Variants in OR8U3 observed in about 807,000 individuals in gnomAD.
The protein encoded by OR8U3 is olfactory receptor 8U3.
For missense variants in OR8U3, 429 were observed against 388.6 expected, an observed-to-expected ratio of 1.10 and a Z score of -0.88; for synonymous variants, 170 against 147.0, an observed-to-expected ratio of 1.16 and a Z score of -1.13.
In OR8U3 at chr11:56,417,431, A is replaced by G. The variant is rs1319716514; in HGVS notation, c.802T>C (p.Leu268=). The change falls in exon 1 of 1, where the codon TTG becomes CTG. Residue 268 remains leucine (L), a synonymous_variant. Transcript: ENST00000623286. The stretch of plus-strand genomic sequence containing the variant: ...ACAGAAGCCATCTTGTCTGTGTCCA[A>G]GGAGTGATTTGATTTGGGCTGTAGG... The part of the protein sequence containing the change: ...MYLQPKSNHS[L]DTDKMASVFY... 2.5e-6 allele frequency: 4 copies of G among 1,613,428 alleles called. No individual in the cohort carries two copies. Among genetic ancestry groups the G allele is most frequent in the Non-Finnish European group, 3.4e-6 (4 of 1,179,506 alleles).
chr11:56,417,930 C>T lies in OR8U3; in HGVS notation c.303G>A (p.Leu101=), dbSNP rs911676376. 5 of 1,613,822 alleles carry T rather than the reference C, an allele frequency of 3.1e-6. No homozygotes were observed. Among genetic ancestry groups the T allele is most frequent in the Admixed American group, 1.7e-5 (1 of 59,946 alleles). ...TGATCATGAAGGTGAGAAAACAACCCAGTTGGGTTGCACAAGCATGGAAAG... is the reference window on the plus strand; with the variant it reads ...TGATCATGAAGGTGAGAAAACAACCTAGTTGGGTTGCACAAGCATGGAAAG... ...TIPFHACATQ[L]GCFLTFMITE... is the part of the protein sequence containing the mutation. Residue 101 remains leucine (L), a synonymous_variant, in exon 1 of 1, where the codon CTG becomes CTA. Coordinates refer to ENST00000623286, the MANE Select transcript of OR8U3 (RefSeq NM_001004744.1).
rs1261259017 is a variant in OR8U3, at chr11:56,417,730, T to TAAGTC, written c.498_502dup (p.Tyr168Ter). The TAAGTC allele has an allele frequency of 6.2e-7, 1 of 1,613,894 alleles. No homozygotes were observed. The highest frequency in any genetic ancestry group is 2.2e-5 in the East Asian group (1 of 44,886). On this transcript the variant is annotated stop_gained and frameshift_variant, in exon 1 of 1. Coordinates refer to ENST00000623286, the MANE Select transcript of OR8U3 (RefSeq NM_001004744.1). LOFTEE classifies it low-confidence loss of function (END_TRUNC). Reference sequence around the variant, plus strand: ...ATGGTTAATTAAGTTTGGGCCACAGTAAGTCAGACGGAAAGTGATAACGGT... The same window carrying TAAGTC: ...ATGGTTAATTAAGTTTGGGCCACAGTAAGTCAAGTCAGACGGAAAGTGATAACGGT...
In OR8U3 at chr11:56,417,371, G is replaced by C. The variant is rs776135036; in HGVS notation, c.862C>G (p.Leu288Val). 3.7e-6 allele frequency: 6 copies of C among 1,612,522 alleles called. No individual in the cohort carries two copies. The South Asian group carries it at 6.6e-5, about 18-fold the overall frequency. Residue 288 changes from leucine to valine, a missense_variant, in exon 1 of 1, where the codon CTA (leucine) becomes GTA (valine). By Grantham distance (32) the Leu-to-Val change is conservative. Coordinates refer to ENST00000623286, the MANE Select transcript of OR8U3 (RefSeq NM_001004744.1). ...YTVVIPMLNPLIYSLRNKEVK... is the reference protein window; with the variant it reads ...YTVVIPMLNPVIYSLRNKEVK... Reference sequence around the variant, plus strand: ...TCTTTGTTCCTTAGACTATAGATTAGGGGGTTTAACATGGGGATCACCACT... The same window carrying C: ...TCTTTGTTCCTTAGACTATAGATTACGGGGTTTAACATGGGGATCACCACT...
In OR8U3 at chr11:56,417,461, T is replaced by C. The variant is rs1283225394; in HGVS notation, c.772A>G (p.Met258Val). Residue 258 changes from methionine (M) to valine (V), a missense_variant, in exon 1 of 1, where the codon ATG becomes GTG. Coordinates refer to ENST00000623286, the MANE Select transcript of OR8U3 (RefSeq NM_001004744.1). The stretch of plus-strand genomic sequence containing the variant: ...TGATTTGATTTGGGCTGTAGGTACA[T>C]AAAGATCAGTGTGCCATAGAAAATA... Reference protein sequence around the residue: ...VTIFYGTLIFMYLQPKSNHSL... With the variant: ...VTIFYGTLIFVYLQPKSNHSL... The C allele has an allele frequency of 6.2e-7, 1 of 1,613,702 alleles. No homozygotes were observed.
chr11:56,417,555 T>C lies in OR8U3; in HGVS notation c.678A>G (p.Leu226=), dbSNP rs761045008. 6 of 1,613,826 alleles carry C rather than the reference T, an allele frequency of 3.7e-6. No homozygotes were observed. In the East Asian group the frequency reaches 1.3e-4, roughly 36 times the overall value. The change falls in exon 1 of 1, where the codon CTA becomes CTG. Residue 226 remains leucine, a synonymous_variant. Transcript: ENST00000623286. ...GTTGCCCCTGAGTAGAGCGGATCCT[T>C]AGGATAGCGGCAATAATAAAGATGT... is the stretch of plus-strand genomic sequence containing the variant. The part of the protein sequence containing the change: ...TSYIFIIAAI[L]RIRSTQGQHK...
At position 56,418,054 on chromosome 11, in the gene OR8U3, TA is replaced by T. The variant is rs1318662083; in HGVS notation, c.178del (p.Tyr60ThrfsTer22). 6.2e-7 allele frequency: 1 copy of T among 1,613,796 alleles called. No individual in the cohort carries two copies. Among genetic ancestry groups the T allele is most frequent in the Non-Finnish European group, 8.5e-7 (1 of 1,179,834 alleles). ...AAAGGCCAGGTGGCTGAGGAAATAG[TA>T]CATAGGTGTGTGGAGTCGAGTATCA... The part of the protein sequence containing the change: ...KIDTRLHTPM[Y>X]YFLSHLAFVD... On this transcript the variant is annotated frameshift_variant, in exon 1 of 1. Coordinates refer to ENST00000623286, the MANE Select transcript of OR8U3 (RefSeq NM_001004744.1). LOFTEE classifies it low-confidence loss of function (END_TRUNC).
Position 56,418,059 on chromosome 11 carries a change from A to T in OR8U3, c.174T>A (p.Pro58=). ...CCAGGTGGCTGAGGAAATAGTACAT[A>T]GGTGTGTGGAGTCGAGTATCAATCT... ...LIKIDTRLHT[P]MYYFLSHLAF... The change falls in exon 1 of 1, where the codon CCT becomes CCA. Residue 58 remains proline (P), a synonymous_variant. Transcript: ENST00000623286. 1.2e-6 allele frequency: 2 copies of T among 1,613,812 alleles called. No individual in the cohort carries two copies. Among genetic ancestry groups the T allele is most frequent in the Non-Finnish European group, 1.7e-6 (2 of 1,179,832 alleles).
At position 56,418,145 on chromosome 11, in the gene OR8U3, C is replaced by A; in HGVS notation, c.88G>T (p.Val30Leu). ...GTGACCAGATAGATAACTAAAAACA[C>A]CCCAAAGCACGGGGCCTGAAGCTCT... ...RPELQAPCFG[V>L]FLVIYLVTVL... The change falls in exon 1 of 1, where the codon GTG becomes TTG. Residue 30 changes from valine (V) to leucine (L), a missense_variant. Physicochemically the swap from Val to Leu is conservative, Grantham distance 32. Transcript: ENST00000623286. The A allele has an allele frequency of 6.2e-7, 1 of 1,613,860 alleles. No homozygotes were observed. Among genetic ancestry groups the A allele is most frequent in the Non-Finnish European group, 8.5e-7 (1 of 1,179,852 alleles).
At position 56,417,537 on chromosome 11, in the gene OR8U3, C is replaced by T. The variant is rs769262388; in HGVS notation, c.696G>A (p.Gln232=). 6.2e-7 allele frequency: 1 copy of T among 1,613,936 alleles called. No individual in the cohort carries two copies. Reference sequence around the variant, plus strand: ...AGGTGGAAATGGCTTTGTGTTGCCCCTGAGTAGAGCGGATCCTTAGGATAG... The same window carrying T: ...AGGTGGAAATGGCTTTGTGTTGCCCTTGAGTAGAGCGGATCCTTAGGATAG... ...IAAILRIRST[Q]GQHKAISTCG... The change falls in exon 1 of 1, where the codon CAG becomes CAA. Residue 232 remains glutamine (Q), a synonymous_variant. Coordinates refer to ENST00000623286, the MANE Select transcript of OR8U3 (RefSeq NM_001004744.1).
rs766968174 is a variant in OR8U3 at position 56,417,282 on chromosome 11, A to C, written c.951T>G (p.Phe317Leu). The change falls in exon 1 of 1, where the codon TTT (phenylalanine) becomes TTG (leucine). Residue 317 changes from phenylalanine to leucine, a missense_variant. Physicochemically the swap from Phe to Leu is conservative, Grantham distance 22. Coordinates refer to ENST00000623286, the MANE Select transcript of OR8U3 (RefSeq NM_001004744.1). ...KGCENLQILT[F>L]LKIRKLY ...TTTAATAAAGTTTTCTTATTTTTAA[A>C]AATGTTAATATCTGTAAGTTTTCAC... The C allele has an allele frequency of 7.1e-7, 1 of 1,404,486 alleles. No homozygotes were observed. Among genetic ancestry groups the C allele is most frequent in the Admixed American group, 2.2e-5 (1 of 44,478 alleles). 87.0% of individuals were successfully genotyped at this position (1,404,486 alleles called of 1,614,324 possible).
chr11:56,417,679 A>C lies in OR8U3; in HGVS notation c.554T>G (p.Leu185Ter), dbSNP rs1395171666. 1 of 1,613,750 alleles carries C rather than the reference A, an allele frequency of 6.2e-7. No homozygotes were observed. Among genetic ancestry groups the C allele is most frequent in the Non-Finnish European group, 8.5e-7 (1 of 1,179,824 alleles). ...NHFYCDDLPF[L>*]ALSCSDTHMK... The stretch of plus-strand genomic sequence containing the variant: ...GTGTGTGTCTGAGCAGGACAGAGCT[A>C]AGAAGGGGAGGTCATCACAATAGAA... Residue 185 changes from leucine to a stop codon, truncating the protein, a stop_gained, in exon 1 of 1, where the codon TTA (leucine) becomes TGA (stop). Transcript: ENST00000623286. LOFTEE classifies it low-confidence loss of function (END_TRUNC).
chr11:56,417,304 T>C lies in OR8U3; in HGVS notation c.929A>G (p.Glu310Gly). 3 of 1,532,120 alleles carry C rather than the reference T, an allele frequency of 2.0e-6. No homozygotes were observed. Among genetic ancestry groups the C allele is most frequent in the Non-Finnish European group, 1.8e-6 (2 of 1,123,920 alleles). 94.9% of individuals were successfully genotyped at this position (1,532,120 alleles called of 1,614,324 possible). A position where few individuals can be genotyped will look rare whatever the true frequency, so the allele number is the denominator to read the frequency against. The change falls in exon 1 of 1, where the codon GAA becomes GGA. Residue 310 changes from glutamate to glycine, a missense_variant. Coordinates refer to ENST00000623286, the MANE Select transcript of OR8U3 (RefSeq NM_001004744.1). ...TAAAAATGTTAATATCTGTAAGTTT[T>C]CACAACCTTTATCCAAGGCTTTCTT... The part of the protein sequence containing the change: ...ASKKALDKGC[E>G]NLQILTFLKI...
chr11:56,417,400 T>C lies in OR8U3; in HGVS notation c.833A>G (p.Tyr278Cys). ...GTTTAACATGGGGATCACCACTGTG[T>C]AAAATACAGAAGCCATCTTGTCTGT... Reference protein sequence around the residue: ...LDTDKMASVFYTVVIPMLNPL... With the variant: ...LDTDKMASVFCTVVIPMLNPL... Residue 278 changes from tyrosine (Y) to cysteine (C), a missense_variant, in exon 1 of 1, where the codon TAC (tyrosine) becomes TGC (cysteine). Physicochemically the swap from Tyr to Cys is radical, Grantham distance 194. Transcript: ENST00000623286. 2 of 1,613,508 alleles carry C rather than the reference T, an allele frequency of 1.2e-6. No individual in the cohort carries two copies. Among genetic ancestry groups the C allele is most frequent in the Non-Finnish European group, 8.5e-7 (1 of 1,179,478 alleles).
Position 56,417,847 on chromosome 11 carries a change from G to C in OR8U3, c.386C>G (p.Pro129Arg). The change falls in exon 1 of 1, where the codon CCC becomes CGC. Residue 129 changes from proline to arginine, a missense_variant. Physicochemically the swap from Pro to Arg is moderately radical, Grantham distance 103. Coordinates refer to ENST00000623286, the MANE Select transcript of OR8U3 (RefSeq NM_001004744.1). The part of the protein sequence containing the change: ...AYDCYVAICS[P>R]LHYSTLMSRR... ...TGACATCAGTGTTGAATAATGCAGGGGACTACAGATGGCGACATAGCAATC... is the reference window on the plus strand; with the variant it reads ...TGACATCAGTGTTGAATAATGCAGGCGACTACAGATGGCGACATAGCAATC... 6.2e-7 allele frequency: 1 copy of C among 1,613,748 alleles called. No homozygotes were observed. The highest frequency in any genetic ancestry group is 1.1e-5 in the South Asian group (1 of 91,068).
At position 56,417,363 on chromosome 11, in the gene OR8U3, A is replaced by G. The variant is rs763908950; in HGVS notation, c.870T>C (p.Tyr290=). Residue 290 remains tyrosine, a synonymous_variant, in exon 1 of 1, where the codon TAT becomes TAC. Transcript: ENST00000623286. Reference sequence around the variant, plus strand: ...CTTTCACTTCTTTGTTCCTTAGACTATAGATTAGGGGGTTTAACATGGGGA... The same window carrying G: ...CTTTCACTTCTTTGTTCCTTAGACTGTAGATTAGGGGGTTTAACATGGGGA... ...VVIPMLNPLI[Y]SLRNKEVKDA... is the part of the protein sequence containing the mutation. The G allele has an allele frequency of 6.2e-7, 1 of 1,611,838 alleles. No homozygotes were observed. Among genetic ancestry groups the G allele is most frequent in the Non-Finnish European group, 8.5e-7 (1 of 1,178,016 alleles).
rs201002192 is a variant in OR8U3 at position 56,417,966 on chromosome 11, G to T, written c.267C>A (p.Arg89=). 1 of 1,613,854 alleles carries T rather than the reference G, an allele frequency of 6.2e-7. No homozygotes were observed. Among genetic ancestry groups the T allele is most frequent in the Admixed American group, 1.7e-5 (1 of 59,898 alleles). The part of the protein sequence containing the change: ...PKMMVNFVVE[R]NTIPFHACAT... Reference sequence around the variant, plus strand: ...CACAAGCATGGAAAGGAATGGTGTTGCGTTCCACAACAAAATTCACCATCA... The same window carrying T: ...CACAAGCATGGAAAGGAATGGTGTTTCGTTCCACAACAAAATTCACCATCA... Residue 89 remains arginine (R), a synonymous_variant, in exon 1 of 1, where the codon CGC becomes CGA. Transcript: ENST00000623286.
In OR8U3 at chr11:56,417,791, G is replaced by T; in HGVS notation, c.442C>A (p.Pro148Thr). 6.2e-7 allele frequency: 1 copy of T among 1,613,860 alleles called. No individual in the cohort carries two copies. The highest frequency in any genetic ancestry group is 1.1e-5 in the South Asian group (1 of 91,068). ...GCAACCAGGAAGCTGTATATATATG[G>T]AACTGCCACCAGTTGAATGCAGACT... Reference protein sequence around the residue: ...RRVCIQLVAVPYIYSFLVALF... With the variant: ...RRVCIQLVAVTYIYSFLVALF... The change falls in exon 1 of 1, where the codon CCA becomes ACA. Residue 148 changes from proline to threonine, a missense_variant. Pro to Thr is a conservative substitution (Grantham distance 38). Coordinates refer to ENST00000623286, the MANE Select transcript of OR8U3 (RefSeq NM_001004744.1).
Position 56,417,480 on chromosome 11 carries a change from G to T in OR8U3, c.753C>A (p.Phe251Leu), listed in dbSNP as rs543536901. 49 of 1,613,938 alleles carry T rather than the reference G, an allele frequency of 3.0e-5. No homozygotes were observed. In the East Asian group the frequency reaches 3.3e-4, roughly 11 times the overall value. The change falls in exon 1 of 1, where the codon TTC (phenylalanine) becomes TTA (leucine). Residue 251 changes from phenylalanine (F) to leucine (L), a missense_variant. By Grantham distance (22) the Phe-to-Leu change is conservative. Coordinates refer to ENST00000623286, the MANE Select transcript of OR8U3 (RefSeq NM_001004744.1). ...GGTACATAAAGATCAGTGTGCCATAGAAAATAGTGACAGTCACCATATGGG... is the reference window on the plus strand; with the variant it reads ...GGTACATAAAGATCAGTGTGCCATATAAAATAGTGACAGTCACCATATGGG... ...CGSHMVTVTI[F>L]YGTLIFMYLQ...
Position 56,417,546 on chromosome 11 carries a change from G to C in OR8U3, c.687C>G (p.Arg229=). Residue 229 remains arginine, a synonymous_variant, in exon 1 of 1, where the codon CGC becomes CGG. Coordinates refer to ENST00000623286, the MANE Select transcript of OR8U3 (RefSeq NM_001004744.1). ...IFIIAAILRI[R]STQGQHKAIS... Reference sequence around the variant, plus strand: ...TGGCTTTGTGTTGCCCCTGAGTAGAGCGGATCCTTAGGATAGCGGCAATAA... The same window carrying C: ...TGGCTTTGTGTTGCCCCTGAGTAGACCGGATCCTTAGGATAGCGGCAATAA... 2 of 1,613,888 alleles carry C rather than the reference G, an allele frequency of 1.2e-6. No homozygotes were observed. The highest frequency in any genetic ancestry group is 2.2e-5 in the South Asian group (2 of 91,080).
Sources: allele counts gnomAD v4.1 joint callset, GRCh38; gene constraint gnomAD v4.1.1; transcripts MANE v1.5; gene names NCBI Gene and HGNC (gene_info 2026-07-23, HGNC 2026-07-21).